Variants in RBFOX1 observed in about 807,000 individuals in gnomAD.
The protein encoded by RBFOX1 is RNA binding fox-1 homolog 1.
A neutral mutation model predicts 57.7 loss-of-function variants in RBFOX1; 8 were observed. The observed-to-expected ratio is 0.14, with a 90% CI of 0.08 to 0.25. The LOEUF is 0.25. RBFOX1 is among the 10% of genes least tolerant of loss of function. The pLI, the probability that RBFOX1 is intolerant of heterozygous loss-of-function variation, is 1.00. For synonymous variants in RBFOX1, 326 were observed against 222.4 expected (o/e 1.47, Z -4.15); for missense variants, 611 against 548.5 (o/e 1.11, Z -1.14).
At chr16:5,850,063 C>T (rs2056854615) in intron 3 of RBFOX1, among the ~76,000 whole-genome samples, 1 of 152,068 alleles carries the variant, frequency 6.6e-6, no homozygotes, top group Non-Finnish European at 1.5e-5. Context: ...TTTCAGCCAC[C>T]CCAGGTGATT....
intron 1 of RBFOX1, among the ~76,000 whole-genome samples, chr16:6,170,318 C>G (rs9933445): frequency 6.6e-6 from 1 of 151,990 alleles, no homozygotes; most frequent in Non-Finnish European, 1.5e-5. Context: ...TCCTACGAGA[C>G]CCTGGTCTGT....
At chr16:7,572,032 C>G (rs1465712237) in intron 5 of RBFOX1, among the ~76,000 whole-genome samples, 1 of 152,116 alleles carries the variant, frequency 6.6e-6, no homozygotes, top group East Asian at 1.9e-4. Flanking sequence ...GAGGCTGAGG[C>G]AGGAGAATCG....
At chr16:7,267,448 A>G (rs2153096965) in intron 4 of RBFOX1, among the ~76,000 whole-genome samples, 1 of 152,226 alleles carries the variant, frequency 6.6e-6, no homozygotes, top group Non-Finnish European at 1.5e-5. Flanking sequence ...AGGCAAGAGA[A>G]TCACTTGAAC....
intron 3 of RBFOX1, among the ~76,000 whole-genome samples, chr16:6,975,010 G>C (rs773163491): frequency 2.0e-5 from 3 of 152,150 alleles, no homozygotes; most frequent in Non-Finnish European, 2.9e-5. Context: ...GGTGGAGCTA[G>C]GTGTGTTCAC....
At chr16:6,965,636 T>C (rs1359829499) in intron 3 of RBFOX1, among the ~76,000 whole-genome samples, 2 of 152,178 alleles carry the variant, frequency 1.3e-5, no homozygotes, top group Non-Finnish European at 2.9e-5. Context: ...TGCGCCTGGC[T>C]GACAAATCCA....
rs138826124 is a variant in RBFOX1 at position 6,767,119 on chromosome 16, C to G, written c.-16+112469C>G. ...AATTGCATTTTTCTTAGGGGACCACCTCTCTTGCATTTTTCCTCCATACTT... is the reference window on the plus strand; with the variant it reads ...AATTGCATTTTTCTTAGGGGACCACGTCTCTTGCATTTTTCCTCCATACTT... On this transcript the variant is annotated intron_variant, in intron 3 of 15. Coordinates refer to ENST00000550418, the MANE Select transcript of RBFOX1 (RefSeq NM_018723.4). 3.3e-5 allele frequency among the ~76,000 whole-genome samples: 5 copies of G among 152,218 alleles called. No homozygotes were observed. In the East Asian group the frequency reaches 9.7e-4, roughly 29 times the overall value.
intron 3 of RBFOX1, among the ~76,000 whole-genome samples, chr16:5,807,828 C>T (rs2055282530): frequency 6.6e-6 from 1 of 152,172 alleles, no homozygotes; most frequent in Non-Finnish European, 1.5e-5. Context: ...AACCAGCTCC[C>T]AGGTGATGCC....
rs141137592 is a variant in RBFOX1, at chr16:5,477,769, C to G, written c.258+10515C>G. ...TGGGTGCTTTATAGCTTTCTGATCA[C>G]AGAAAAGACCTCCTAGAAATTCGTA... On this transcript the variant is annotated intron_variant, in intron 2 of 2. Transcript: ENST00000585867. 3.5e-3 allele frequency among the ~76,000 whole-genome samples: 528 copies of G among 152,290 alleles called. 3 individuals are homozygous for G. The highest frequency in any genetic ancestry group is 0.012 in the African/African-American group (497 of 41,556).
At position 5,860,877 on chromosome 16, in the gene RBFOX1, C is replaced by T. The variant is rs920030577; in HGVS notation, c.319-6426C>T. Among the ~76,000 whole-genome samples, 11 of 152,268 alleles carry T rather than the reference C, an allele frequency of 7.2e-5. No homozygotes were observed. In the East Asian group the frequency reaches 1.9e-3, roughly 27 times the overall value. On this transcript the variant is annotated intron_variant, in intron 3 of 19. Transcript: ENST00000641259. ...TCACGCAGCATCTTTGATGGTCGTT[C>T]TTCTGGGCTTATTTGTGCAGGTGGA...
At chr16:7,420,737 A>T (rs770086035) in intron 4 of RBFOX1, among the ~76,000 whole-genome samples, 1 of 151,872 alleles carries the variant, frequency 6.6e-6, no homozygotes, top group Middle Eastern at 3.4e-3. Context: ...GACTTCAATT[A>T]CATCTAGAGC....
intron 1 of RBFOX1, among the ~76,000 whole-genome samples, chr16:6,213,233 G>A (rs1324941846): frequency 5.3e-5 from 8 of 151,996 alleles, no homozygotes; most frequent in African/African-American, 1.7e-4. Flanking sequence ...AGCTTTATGA[G>A]CTCTTTCTTG....
rs369811466 is a variant in RBFOX1 at position 6,898,666 on chromosome 16, TTC to T, written c.-15-153389_-15-153388del. Among the ~76,000 whole-genome samples the T allele has an allele frequency of 1.3e-4, 20 of 152,238 alleles. 1 individual carries two copies. Among genetic ancestry groups the T allele is most frequent in the African/African-American group, 4.1e-4 (17 of 41,540 alleles). On this transcript the variant is annotated intron_variant, in intron 3 of 15. Coordinates refer to ENST00000550418, the MANE Select transcript of RBFOX1 (RefSeq NM_018723.4). Reference sequence around the variant, plus strand: ...TGAAAGAGATAATTCAGCTCTGAGTTTCTGTGTGTGTACATGTGTATATACGT... The same window carrying T: ...TGAAAGAGATAATTCAGCTCTGAGTTTGTGTGTGTACATGTGTATATACGT...
chr16:6,490,257 G>T (rs1352421563), intron 2 of RBFOX1, among the ~76,000 whole-genome samples: 1 of 152,202 alleles, frequency 6.6e-6, no homozygotes, highest in Non-Finnish European at 1.5e-5. Flanking sequence ...GGGAAAAAAA[G>T]ATCTTGCAAG....
chr16:5,571,633 G>C (rs1174748921), intron 2 of RBFOX1, among the ~76,000 whole-genome samples: 1 of 152,106 alleles, frequency 6.6e-6, no homozygotes, highest in Non-Finnish European at 1.5e-5. Flanking sequence ...TGCTTCTTGA[G>C]GTTATCTACT....
At chr16:7,285,590 C>T (rs967309799) in intron 4 of RBFOX1, among the ~76,000 whole-genome samples, 9 of 151,976 alleles carry the variant, frequency 5.9e-5, no homozygotes, top group South Asian at 2.1e-4. Flanking sequence ...AATTTTCTCT[C>T]TATTTATAAG....
At chr16:7,512,397 G>A (rs975817284) in intron 4 of RBFOX1, among the ~76,000 whole-genome samples, 1 of 152,202 alleles carries the variant, frequency 6.6e-6, no homozygotes, top group Admixed American at 6.5e-5. Context: ...CCATTTGAAG[G>A]TGAAAAATAA....
At chr16:6,297,182 T>C (rs12917790) in intron 1 of RBFOX1, among the ~76,000 whole-genome samples, 149,273 of 152,200 alleles carry the variant, frequency 0.98, 73,267 homozygotes, top group East Asian at 1. Flanking sequence ...TGGCCGGCTT[T>C]CTTACTACAA....
At chr16:6,666,602 G>C (rs554079928) in intron 3 of RBFOX1, among the ~76,000 whole-genome samples, 2 of 151,692 alleles carry the variant, frequency 1.3e-5, no homozygotes, top group Admixed American at 1.3e-4. Context: ...CTGTGGAGGT[G>C]GGATTCAAAC....
intron 4 of RBFOX1, among the ~76,000 whole-genome samples, chr16:7,213,442 A>C (rs1402870033): frequency 6.6e-6 from 1 of 152,162 alleles, no homozygotes; most frequent in African/African-American, 2.4e-5. Context: ...AAAGATTCAC[A>C]AAATGTGGTC....
Sources: gnomAD v4.1 joint callset for allele counts (sites outside exome capture counted in the v4.1 genomes callset) on GRCh38, gnomAD v4.1.1 for gene constraint, MANE v1.5 for transcripts, NCBI Gene and HGNC (gene_info 2026-07-23, HGNC 2026-07-21) for gene names.